Variants in SGMS1 observed in about 807,000 individuals in gnomAD.
The protein encoded by SGMS1 is phosphatidylcholine:ceramide cholinephosphotransferase 1.
In SGMS1, 13 loss-of-function variants were observed where a neutral mutation model predicts 46.2. The ratio of observed to expected loss-of-function variants is 0.28; its 90% CI spans 0.18 to 0.45. The LOEUF (loss-of-function observed/expected upper bound fraction) is 0.45, where lower values mean the gene tolerates loss of function less well. SGMS1 is among the 20% of genes least tolerant of loss of function. The pLI, the probability that SGMS1 is intolerant of heterozygous loss-of-function variation, is 1.00. For missense variants in SGMS1, 324 were observed against 519.9 expected (o/e 0.62, Z 3.66); for synonymous variants, 203 against 187.8 (o/e 1.08, Z -0.66).
intron 6 of SGMS1, among the ~76,000 whole-genome samples, chr10:50,356,238 G>A (rs1848145802): frequency 6.6e-6 from 1 of 152,256 alleles, no homozygotes; most frequent in African/African-American, 2.4e-5. Context: ...TTGGGATGCT[G>A]TTAATCTATA....
intron 1 of SGMS1, among the ~76,000 whole-genome samples, chr10:50,596,469 C>T (rs572338873): frequency 7.9e-5 from 12 of 152,372 alleles, no homozygotes; most frequent in East Asian, 5.8e-4. Context: ...TGAGCCACCA[C>T]GCCCAGCCCA....
At chr10:50,600,453 A>G (rs2131908788) in intron 1 of SGMS1, among the ~76,000 whole-genome samples, 1 of 152,348 alleles carries the variant, frequency 6.6e-6, no homozygotes, top group African/African-American at 2.4e-5. Context: ...GGAAGCACTC[A>G]AGGAGAATGC....
chr10:50,308,278 C>T (rs1300732209), intron 9 of SGMS1, 130 bp from the exon 10 acceptor site: 1 of 765,528 alleles, frequency 1.3e-6, no homozygotes, highest in African/African-American at 1.8e-5. Flanking sequence ...TCTAGTGAAT[C>T]TAAGGGCTGT....
chr10:50,337,577 AGAG>A (rs1171999964), intron 7 of SGMS1, among the ~76,000 whole-genome samples: 2 of 152,204 alleles, frequency 1.3e-5, no homozygotes, highest in Non-Finnish European at 2.9e-5. Context: ...TGGGAACAGA[AGAG>A]GAGTTAAGTA....
chr10:50,611,282 C>G (rs1838746875), intron 1 of SGMS1, among the ~76,000 whole-genome samples: 1 of 152,204 alleles, frequency 6.6e-6, no homozygotes, highest in African/African-American at 2.4e-5. Context: ...GCCACCTCAA[C>G]AACTGCAGAA....
At chr10:50,403,141 T>A (rs1329864722) in intron 6 of SGMS1, among the ~76,000 whole-genome samples, 1 of 152,196 alleles carries the variant, frequency 6.6e-6, no homozygotes, top group Non-Finnish European at 1.5e-5. Context: ...TCTATTATCT[T>A]AAAATCCGAA....
At chr10:50,589,404 G>A (rs535056888) in intron 2 of SGMS1, among the ~76,000 whole-genome samples, 2 of 152,122 alleles carry the variant, frequency 1.3e-5, no homozygotes, top group Admixed American at 1.3e-4. Context: ...TAGGACTACA[G>A]GCATGTGCCA....
chr10:50,378,234 T>C (rs1193047557), intron 6 of SGMS1, among the ~76,000 whole-genome samples: 1 of 152,220 alleles, frequency 6.6e-6, no homozygotes, highest in Non-Finnish European at 1.5e-5. Flanking sequence ...CATCTCCTTC[T>C]TTTTACTGAT....
At chr10:50,315,017 G>A (rs928466379) in intron 8 of SGMS1, among the ~76,000 whole-genome samples, 1 of 152,106 alleles carries the variant, frequency 6.6e-6, no homozygotes, top group Non-Finnish European at 1.5e-5. Flanking sequence ...GGCAAGATGG[G>A]GTGCCTGCTG....
chr10:50,593,713 G>A (rs566650081), intron 1 of SGMS1, among the ~76,000 whole-genome samples: 80 of 152,166 alleles, frequency 5.3e-4, no homozygotes, highest in African/African-American at 1.6e-3. Context: ...GAAACAATAC[G>A]GTATGTGCTC....
chr10:50,417,259 T>G (rs1046349844), intron 6 of SGMS1, among the ~76,000 whole-genome samples: 1 of 151,902 alleles, frequency 6.6e-6, no homozygotes, highest in Non-Finnish European at 1.5e-5. Context: ...GAAAAGCGGG[T>G]TTTTTAAGTG....
chr10:50,587,772 C>T (rs1351762000), intron 2 of SGMS1, among the ~76,000 whole-genome samples: 1 of 151,690 alleles, frequency 6.6e-6, no homozygotes, highest in Non-Finnish European at 1.5e-5. Context: ...GGATTTTCAA[C>T]TGCACCCCTA....
chr10:50,366,898 T>A (rs968859643), intron 6 of SGMS1, among the ~76,000 whole-genome samples: 5 of 152,136 alleles, frequency 3.3e-5, no homozygotes, highest in Non-Finnish European at 7.3e-5. Context: ...TGTGTATACA[T>A]ACCTATGTAA....
chr10:50,348,506 T>C (rs192272244), intron 6 of SGMS1, among the ~76,000 whole-genome samples: 1 of 152,204 alleles, frequency 6.6e-6, no homozygotes, highest in East Asian at 1.9e-4. Flanking sequence ...ATTACTAGCA[T>C]TCCTATACAC....
intron 6 of SGMS1, among the ~76,000 whole-genome samples, chr10:50,419,991 G>C (rs1423476046): frequency 1.3e-5 from 2 of 152,210 alleles, no homozygotes; most frequent in Non-Finnish European, 2.9e-5. Flanking sequence ...CCTAGTCTCA[G>C]CTCTGCCAGT....
At chr10:50,590,644 T>C (rs1249037777) in intron 1 of SGMS1, 1 of 152,180 alleles carries the variant, frequency 6.6e-6, no homozygotes, top group Non-Finnish European at 1.5e-5. Flanking sequence ...ACAATTCCCT[T>C]TTTTTTGAGG....
chr10:50,533,033 C>A (rs1289618696), intron 2 of SGMS1, among the ~76,000 whole-genome samples: 1 of 151,988 alleles, frequency 6.6e-6, no homozygotes, highest in Non-Finnish European at 1.5e-5. Flanking sequence ...GAGACAGGTA[C>A]CGCATAAATC....
At chr10:50,480,258 C>G (rs1278807679) in intron 3 of SGMS1, among the ~76,000 whole-genome samples, 3 of 152,026 alleles carry the variant, frequency 2.0e-5, no homozygotes, top group African/African-American at 4.8e-5. Context: ...TGACATTGAG[C>G]TAGGTCTTAA....
chr10:50,495,869 C>T lies in SGMS1; in HGVS notation c.-498+23962G>A, dbSNP rs191142595. ...GGAAAAATACATAAGAAAATTTGGC[C>T]TATCTCTGGGGAAGGCAAGGGAGAA... is the stretch of plus-strand genomic sequence containing the variant. On this transcript the variant is annotated intron_variant, in intron 3 of 10. Transcript: ENST00000361781. Among the ~76,000 whole-genome samples the T allele has an allele frequency of 1.1e-3, 172 of 152,178 alleles. 2 individuals carry two copies. Among genetic ancestry groups the T allele is most frequent in the African/African-American group, 4.0e-3 (168 of 41,530 alleles).
Sources: gnomAD v4.1 joint callset for allele counts (sites outside exome capture counted in the v4.1 genomes callset) on GRCh38, gnomAD v4.1.1 for gene constraint, MANE v1.5 for transcripts, NCBI Gene and HGNC (gene_info 2026-07-23, HGNC 2026-07-21) for gene names.